The following PLOD3 variants were observed in gnomAD, a reference collection of about 807,000 sequenced individuals.
The protein encoded by PLOD3 is multifunctional procollagen lysine hydroxylase and glycosyltransferase LH3.
A neutral mutation model predicts 96.9 loss-of-function variants in PLOD3; 73 were observed. The observed-to-expected ratio is 0.75, with a 90% CI of 0.62 to 0.92. PLOD3 has a LOEUF of 0.92. PLOD3 is among the 40% of genes least tolerant of loss of function. The pLI, the probability that PLOD3 is intolerant of heterozygous loss-of-function variation, is 0.00. For synonymous variants in PLOD3, 454 were observed against 413.7 expected (o/e 1.10, Z -1.18); for missense variants, 1,004 against 1,004.3 (o/e 1.00, Z 0.00).
chr7:101,216,622 G>A (rs1798280363), intron 2 of PLOD3, 73 bp downstream of exon 2: 2 of 1,608,790 alleles, frequency 1.2e-6, no homozygotes, highest in East Asian at 2.2e-5. Context: ...CTTACCGTGG[G>A]GACCTGGGCA....
In PLOD3 at chr7:101,212,533, G is replaced by A; in HGVS notation, c.1002C>T (p.Asn334=). 1 of 1,613,794 alleles carries A rather than the reference G, an allele frequency of 6.2e-7. No homozygotes were observed. Among genetic ancestry groups the A allele is most frequent in the Non-Finnish European group, 8.5e-7 (1 of 1,179,868 alleles). Reference sequence around the variant, plus strand: ...GGCTCCAACAGGGGAGTCTCACGTTGTTGTGCAGGAAAAGGGTGACCCTGT... The same window carrying A: ...GGCTCCAACAGGGGAGTCTCACGTTATTGTGCAGGAAAAGGGTGACCCTGT... ...PPDRVTLFLH[N]NEVFHEPHIA... is the part of the protein sequence containing the mutation. The change falls in exon 9 of 19, where the codon AAC becomes AAT. Residue 334 remains asparagine (N), a synonymous_variant. Coordinates refer to ENST00000223127, the MANE Select transcript of PLOD3 (RefSeq NM_001084.5).
In PLOD3 at chr7:101,206,402, A is replaced by T; in HGVS notation, c.2096T>A (p.Val699Glu). The T allele has an allele frequency of 6.2e-7, 1 of 1,613,288 alleles. No individual in the cohort carries two copies. Residue 699 changes from valine (V) to glutamate (E), a missense_variant, in exon 19 of 19, where the codon GTG (valine) becomes GAG (glutamate). Val to Glu is a moderately radical substitution (Grantham distance 121, BLOSUM62 -2). Around this residue, in one of 5 missense-constraint regions of PLOD3, gnomAD observed 222 missense variants for 220.4 expected, o/e 1.01. Coordinates refer to ENST00000223127, the MANE Select transcript of PLOD3 (RefSeq NM_001084.5). ...CCAGCCCTTCCTCGGGGAGGAGATC[A>T]CACAGTCGTAGCGCAGGAAGCGGCA... ...GGCRFLRYDC[V>E]ISSPRKGWAL...
chr7:101,217,548 G>T lies in PLOD3; in HGVS notation c.-274C>A, dbSNP rs1309778669. 3.4e-5 allele frequency: 16 copies of T among 474,900 alleles called. No individual in the cohort carries two copies. The East Asian group carries it at 5.7e-4, about 17-fold the overall frequency. 29.4% of individuals were successfully genotyped at this position (474,900 alleles called of 1,614,324 possible). The stretch of plus-strand genomic sequence containing the variant: ...GCTCGGGCCGGCGGGCGGGAGACAG[G>T]GACTCTGGGCTGAGCCAGCCGCTTG... On this transcript the variant is annotated 5_prime_UTR_variant, in exon 1 of 19. Transcript: ENST00000223127.
Position 101,210,658 on chromosome 7 carries a change from T to C in PLOD3, c.1374A>G (p.Val458=), listed in dbSNP as rs2116800769. The change falls in exon 13 of 19, where the codon GTA becomes GTG. Residue 458 remains valine, a synonymous_variant. Transcript: ENST00000223127. ...TCACATAGGCCTGGGAGATGTATGGTACATTCCACACACCCCTGGAGGCAC... is the reference window on the plus strand; with the variant it reads ...TCACATAGGCCTGGGAGATGTATGGCACATTCCACACACCCCTGGAGGCAC... ...VQRKRVGVWN[V]PYISQAYVIR... is the part of the protein sequence containing the mutation. The C allele has an allele frequency of 1.2e-6, 2 of 1,614,040 alleles. No individual in the cohort carries two copies. The highest frequency in any genetic ancestry group is 1.1e-5 in the South Asian group (1 of 91,084).
Position 101,206,067 on chromosome 7 carries a change from C to T in PLOD3, c.*214G>A, listed in dbSNP as rs537367034. 3.3e-5 allele frequency: 21 copies of T among 633,798 alleles called. No individual in the cohort carries two copies. Among genetic ancestry groups the T allele is most frequent in the African/African-American group, 1.1e-4 (6 of 54,964 alleles). The allele number at this position is 633,798 out of a possible 1,614,324, so 39.3% of individuals were successfully genotyped here. ...GGAGTCCCCAGAAGCCCTGTGCCCA[C>T]GAACCCCTGTGGGCGGAGGAGAGAG... On this transcript the variant is annotated 3_prime_UTR_variant, in exon 19 of 19. Transcript: ENST00000223127.
chr7:101,217,081 C>G, intron 1 of PLOD3, 85 bp downstream of exon 1: 1 of 1,376,984 alleles, frequency 7.3e-7, no homozygotes, highest in Non-Finnish European at 9.6e-7. Context: ...GACACCTCCT[C>G]GAGCCTCCGA....
Position 101,206,140 on chromosome 7 carries a change from G to T in PLOD3, c.*141C>A. On this transcript the variant is annotated 3_prime_UTR_variant, in exon 19 of 19. Transcript: ENST00000223127. ...GAGAGGGCCGTGTCTTGGGAGCAAG[G>T]TGACATATTCAGTTCAGGCACGCGG... 9.9e-6 allele frequency: 9 copies of T among 913,448 alleles called. No homozygotes were observed. The highest frequency in any genetic ancestry group is 1.6e-5 in the Non-Finnish European group (9 of 550,172). The allele number at this position is 913,448 out of a possible 1,614,324, so 56.6% of individuals were successfully genotyped here. A position where few individuals can be genotyped will look rare whatever the true frequency, so the allele number is the denominator to read the frequency against.
Position 101,210,357 on chromosome 7 carries a change from G to A in PLOD3, c.1588C>T (p.Leu530Phe). 6.2e-7 allele frequency: 1 copy of A among 1,614,150 alleles called. No homozygotes were observed. The highest frequency in any genetic ancestry group is 2.2e-5 in the East Asian group (1 of 44,888). ...ACGGGGTTGTCGAAGATCTGCCAGA[G>A]GTCGGGGTGCAGGTGCTCCGTGTCG... ...RYDTEHLHPDLWQIFDNPVDW... is the reference protein window; with the variant it reads ...RYDTEHLHPDFWQIFDNPVDW... Residue 530 changes from leucine to phenylalanine, a missense_variant, in exon 14 of 19, where the codon CTC (leucine) becomes TTC (phenylalanine). Transcript: ENST00000223127.
intron 12 of PLOD3, 160 bp from the exon 13 acceptor site, chr7:101,210,833 C>A: frequency 1.4e-6 from 1 of 712,588 alleles, no homozygotes; most frequent in African/African-American, 1.8e-5. Context: ...ACCCCACCTC[C>A]CAAAATGCGG....
chr7:101,215,306 C>A (rs568241874), intron 5 of PLOD3, among the ~76,000 whole-genome samples, 154 bp from the exon 6 acceptor site: 1 of 152,238 alleles, frequency 6.6e-6, no homozygotes, highest in African/African-American at 2.4e-5. Flanking sequence ...CTCTGCCTCC[C>A]GGTTTAATTG....
chr7:101,211,417 G>A (rs1352101256), intron 12 of PLOD3, 174 bp downstream of exon 12: 11 of 632,962 alleles, frequency 1.7e-5, no homozygotes, highest in South Asian at 4.0e-5. Context: ...CCAGGCTCAA[G>A]CAGTCCTCCT....
chr7:101,214,679 A>G (rs1022232305), intron 6 of PLOD3, among the ~76,000 whole-genome samples: 1 of 151,892 alleles, frequency 6.6e-6, no homozygotes, highest in African/African-American at 2.4e-5. Flanking sequence ...CTCTACTAAA[A>G]ATACAAAATG....
At position 101,216,743 on chromosome 7, in the gene PLOD3, C is replaced by G. The variant is rs913918296; in HGVS notation, c.153G>C (p.Gly51=). 7.4e-6 allele frequency: 12 copies of G among 1,613,908 alleles called. No individual in the cohort carries two copies. Among genetic ancestry groups the G allele is most frequent in the Non-Finnish European group, 9.3e-6 (11 of 1,179,930 alleles). Reference sequence around the variant, plus strand: ...CCGCAGAGCGCAGGAAACGCAGGTACCCCTCGGTTTCAGCTGTGGCCACAG... The same window carrying G: ...CCGCAGAGCGCAGGAAACGCAGGTAGCCCTCGGTTTCAGCTGTGGCCACAG... ...VITVATAETE[G]YLRFLRSAEF... is the part of the protein sequence containing the mutation. The change falls in exon 2 of 19, where the codon GGG becomes GGC. Residue 51 remains glycine, a synonymous_variant. Transcript: ENST00000223127.
chr7:101,209,557 T>G (rs1481354910), intron 15 of PLOD3, among the ~76,000 whole-genome samples: 4 of 149,632 alleles, frequency 2.7e-5, no homozygotes, highest in Non-Finnish European at 6.0e-5. Context: ...TTTGTGTTTT[T>G]TTTTTTTTTT....
At chr7:101,215,245 C>G (rs1798249856) in intron 5 of PLOD3, 93 bp from the exon 6 acceptor site, 1 of 983,522 alleles carries the variant, frequency 1.0e-6, no homozygotes, top group Admixed American at 1.7e-5. Flanking sequence ...TCTTCTCTTG[C>G]TTTTGTTGCT....
Position 101,206,786 on chromosome 7 carries a change from T to C in PLOD3, c.2054A>G (p.Asp685Gly), listed in dbSNP as rs1019713896. 1.3e-5 allele frequency: 20 copies of C among 1,583,028 alleles called. No homozygotes were observed. Among genetic ancestry groups the C allele is most frequent in the Non-Finnish European group, 1.7e-5 (20 of 1,164,468 alleles). ...LNVALNHKGL[D>G]YEGGGCRFLR... Reference sequence around the variant, plus strand: ...AGTGTGACTGGGGCGCACCTCATAGTCCAGGCCCTTGTGGTTGAGGGCAAC... The same window carrying C: ...AGTGTGACTGGGGCGCACCTCATAGCCCAGGCCCTTGTGGTTGAGGGCAAC... Residue 685 changes from aspartate to glycine, a missense_variant, in exon 18 of 19, where the codon GAC (aspartate) becomes GGC (glycine). Asp to Gly is a moderately conservative substitution (Grantham distance 94). Transcript: ENST00000223127.
At position 101,216,055 on chromosome 7, in the gene PLOD3, C is replaced by T. The variant is rs192624014; in HGVS notation, c.503-35G>A. The stretch of plus-strand genomic sequence containing the variant: ...AGGGGGAGTGTTGACCTCGAGACTC[C>T]CAGGGTCCCAGGGCCTGTCCCCCAG... On this transcript the variant is annotated intron_variant, in intron 4 of 18. Coordinates refer to ENST00000223127, the MANE Select transcript of PLOD3 (RefSeq NM_001084.5). The T allele has an allele frequency of 1.9e-5, 30 of 1,605,970 alleles. No homozygotes were observed. In the African/African-American group the frequency reaches 3.6e-4, roughly 19 times the overall value.
chr7:101,207,516 G>C, intron 17 of PLOD3, 62 bp downstream of exon 17: 1 of 1,562,644 alleles, frequency 6.4e-7, no homozygotes, highest in Non-Finnish European at 8.8e-7. Flanking sequence ...TCTGCGTGGA[G>C]ACTTCCTGTC....
Position 101,212,876 on chromosome 7 carries a change from C to CAGA in PLOD3, c.842_844dup (p.Phe281dup). On this transcript the variant is annotated inframe_insertion, in exon 8 of 19. Transcript: ENST00000223127. Reference sequence around the variant, plus strand: ...CGGGAGTGTCCTCCGGTCCTGGTTGCAGAAGCCACAGCCTCCCTCAGGAGT... The same window carrying CAGA: ...CGGGAGTGTCCTCCGGTCCTGGTTGCAGAAGAAGCCACAGCCTCCCTCAGGAGT... 2.5e-6 allele frequency: 4 copies of CAGA among 1,613,652 alleles called. No individual in the cohort carries two copies. The highest frequency in any genetic ancestry group is 3.4e-6 in the Non-Finnish European group (4 of 1,179,738).
Sources: gnomAD v4.1 joint callset for allele counts (sites outside exome capture counted in the v4.1 genomes callset) on GRCh38, gnomAD v4.1.1 for gene constraint, gnomAD v4.1.1 regional missense constraint, MANE v1.5 for transcripts, NCBI Gene and HGNC (gene_info 2026-07-23, HGNC 2026-07-21) for gene names.